PIP4K2B: variants seen among roughly 807,000 people sequenced by gnomAD.
PIP4K2B encodes phosphatidylinositol 5-phosphate 4-kinase type-2 beta.
PIP4K2B carries 3 observed loss-of-function variants against 42.0 expected under a neutral mutation model. That is an observed-to-expected ratio of 0.07 (90% confidence interval 0.03 to 0.18). PIP4K2B has a LOEUF of 0.18. PIP4K2B is among the 10% of genes least tolerant of loss of function. PIP4K2B has a pLI of 1.00. For missense variants in PIP4K2B, 332 were observed against 562.3 expected (o/e 0.59, Z 4.14); for synonymous variants, 204 against 210.1 (o/e 0.97, Z 0.25).
At chr17:38,791,303 C>T (rs1910326509) in intron 1 of PIP4K2B, among the ~76,000 whole-genome samples, 1 of 151,988 alleles carries the variant, frequency 6.6e-6, no homozygotes, top group Admixed American at 6.6e-5. Context: ...ATGCTACACT[C>T]CTGCTTAGAA....
At chr17:38,796,063 G>C (rs370861941) in intron 1 of PIP4K2B, among the ~76,000 whole-genome samples, 1 of 151,852 alleles carries the variant, frequency 6.6e-6, no homozygotes, top group Non-Finnish European at 1.5e-5. Flanking sequence ...GCTTGAACCC[G>C]GGAGGTGGAG....
chr17:38,773,523 G>C (rs1567653086), intron 7 of PIP4K2B, among the ~76,000 whole-genome samples: 2 of 152,286 alleles, frequency 1.3e-5, no homozygotes, highest in South Asian at 4.1e-4. Context: ...GATGGAAATG[G>C]CCAGCTAGCA....
Position 38,799,433 on chromosome 17 carries a change from C to T in PIP4K2B, c.-9G>A. On this transcript the variant is annotated 5_prime_UTR_variant, in exon 1 of 10. Transcript: ENST00000619039. This position sits in a 1 kb window ranked among gnomAD's most constrained non-coding sequence, Gnocchi z 4.4. ...GTGCAGTTGGACGACATGCCCGGGG[C>T]GGCGGCGGCGGCGGCGAAAGAGGGG... is the stretch of plus-strand genomic sequence containing the variant. The T allele has an allele frequency of 1.9e-6, 3 of 1,542,024 alleles. No individual in the cohort carries two copies. Among genetic ancestry groups the T allele is most frequent in the Admixed American group, 2.1e-5 (1 of 48,560 alleles).
At chr17:38,780,638 C>G (rs757923394) in intron 3 of PIP4K2B, 34 bp from the exon 4 acceptor site, 56 of 1,595,196 alleles carry the variant, frequency 3.5e-5, no homozygotes, top group Middle Eastern at 1.7e-4. Context: ...CTGGGCTTGG[C>G]AGGGGAACAG....
chr17:38,789,749 G>T (rs1157184190), intron 1 of PIP4K2B, among the ~76,000 whole-genome samples: 1 of 152,182 alleles, frequency 6.6e-6, no homozygotes, highest in Non-Finnish European at 1.5e-5. Flanking sequence ...AGAAATGAAG[G>T]AAGCCATAGG....
At chr17:38,778,893 G>C (rs1054148611) in intron 5 of PIP4K2B, among the ~76,000 whole-genome samples, 1 of 152,164 alleles carries the variant, frequency 6.6e-6, no homozygotes, top group Non-Finnish European at 1.5e-5. Context: ...TGAAATCCTG[G>C]GAAGAGGAGC....
chr17:38,775,186 C>G lies in PIP4K2B; in HGVS notation c.807+2501G>C, dbSNP rs1909267090. Among the ~76,000 whole-genome samples, 4 of 152,110 alleles carry G rather than the reference C, an allele frequency of 2.6e-5. No homozygotes were observed. The South Asian group carries it at 8.3e-4, about 32-fold the overall frequency. ...GCCAGGATGGTCTCGATCTCCTGAC[C>G]TCGTGATCCGCCTGCCTTGGCCTCC... On this transcript the variant is annotated intron_variant, in intron 7 of 9. Coordinates refer to ENST00000619039, the MANE Select transcript of PIP4K2B (RefSeq NM_003559.5).
At chr17:38,789,910 C>G (rs1255791177) in intron 1 of PIP4K2B, among the ~76,000 whole-genome samples, 1 of 151,694 alleles carries the variant, frequency 6.6e-6, no homozygotes, top group Non-Finnish European at 1.5e-5. Context: ...CAGCAGGCAT[C>G]TATAATGAGA....
intron 4 of PIP4K2B, chr17:38,779,744 G>T: frequency 1.9e-6 from 1 of 524,226 alleles, no homozygotes; most frequent in African/African-American, 1.9e-5. Context: ...AGAGGGAGAG[G>T]CAAGCTGAGC....
At chr17:38,774,627 G>A (rs1021942151) in intron 7 of PIP4K2B, among the ~76,000 whole-genome samples, 6 of 151,988 alleles carry the variant, frequency 3.9e-5, no homozygotes, top group African/African-American at 1.4e-4. Flanking sequence ...AAAACTAGCT[G>A]GGCATGGTGG....
At chr17:38,776,215 C>T in intron 7 of PIP4K2B, 1 of 315,360 alleles carries the variant, frequency 3.2e-6, no homozygotes, top group South Asian at 2.5e-5. Flanking sequence ...GAAGATCCGC[C>T]CACCTCAGCC....
chr17:38,793,521 G>C (rs1910455050), intron 1 of PIP4K2B, among the ~76,000 whole-genome samples: 3 of 152,248 alleles, frequency 2.0e-5, no homozygotes, highest in Admixed American at 1.3e-4. Context: ...TGGGATTACA[G>C]GCGTGAGCCA....
intron 1 of PIP4K2B, chr17:38,792,759 T>G (rs1471398211): frequency 1.3e-5 from 2 of 152,098 alleles, no homozygotes; most frequent in East Asian, 3.9e-4. Context: ...GAACTGCAAC[T>G]CCAGAGAGGA....
intron 1 of PIP4K2B, among the ~76,000 whole-genome samples, chr17:38,794,686 C>T (rs559015993): frequency 6.7e-6 from 1 of 148,220 alleles, no homozygotes; most frequent in East Asian, 2.0e-4. Flanking sequence ...TCTTCATGAC[C>T]TTGGGTTAGG....
rs1007460859 is a variant in PIP4K2B, at chr17:38,783,662, G to A, written c.354+581C>T. Among the ~76,000 whole-genome samples, 7 of 151,732 alleles carry A rather than the reference G, an allele frequency of 4.6e-5. No homozygotes were observed. In the South Asian group the frequency reaches 8.3e-4, roughly 18 times the overall value. The stretch of plus-strand genomic sequence containing the variant: ...GTCGCCCAGGCTGGAGTGCAATGGC[G>A]TGATCTCAGCTCGCTGCAACCTCCG... On this transcript the variant is annotated intron_variant, in intron 3 of 9. Coordinates refer to ENST00000619039, the MANE Select transcript of PIP4K2B (RefSeq NM_003559.5).
rs1224208590 is a variant in PIP4K2B, at chr17:38,766,102, G to A, written c.*3589C>T. 1 of 152,436 alleles carries A rather than the reference G, an allele frequency of 6.6e-6. No individual in the cohort carries two copies. The allele number at this position is 152,436 out of a possible 1,614,324, so 9.4% of individuals were successfully genotyped here. A position where few individuals can be genotyped will look rare whatever the true frequency, so the allele number is the denominator to read the frequency against. On this transcript the variant is annotated 3_prime_UTR_variant, in exon 10 of 10. Transcript: ENST00000619039. ...GCACAAGCTGCCAAGGGACAGCTGA[G>A]TCTCCTTTTCCCCATGGGGCACTCT... is the stretch of plus-strand genomic sequence containing the variant.
chr17:38,794,694 A>T (rs933506776), intron 1 of PIP4K2B, among the ~76,000 whole-genome samples: 3 of 151,150 alleles, frequency 2.0e-5, no homozygotes, highest in Non-Finnish European at 3.0e-5. Flanking sequence ...ACCTTGGGTT[A>T]GGCAATGTCT....
rs766652207 is a variant in PIP4K2B, at chr17:38,779,449, G to A, written c.588C>T (p.Thr196=). The change falls in exon 5 of 10, where the codon ACC becomes ACT. Residue 196 remains threonine (T), a synonymous_variant. Transcript: ENST00000619039. The stretch of plus-strand genomic sequence containing the variant: ...ACACGTTCCTGGTAACCACCATGTA[G>A]GTTTCCACACCATCCACGGTCAGGC... The part of the protein sequence containing the change: ...MYRLTVDGVE[T]YMVVTRNVFS... The A allele has an allele frequency of 1.2e-6, 2 of 1,614,004 alleles. No homozygotes were observed. The highest frequency in any genetic ancestry group is 1.7e-6 in the Non-Finnish European group (2 of 1,179,986).
intron 1 of PIP4K2B, among the ~76,000 whole-genome samples, chr17:38,797,825 G>C (rs1296870574): frequency 1.3e-5 from 2 of 152,176 alleles, no homozygotes; most frequent in Admixed American, 6.5e-5. Context: ...TGACCCCTGG[G>C]ACAGCAGGAA....
Sources: gnomAD v4.1 joint callset for allele counts (sites outside exome capture counted in the v4.1 genomes callset) on GRCh38, gnomAD v4.1.1 for gene constraint, Gnocchi (gnomAD v3.1) non-coding constraint, MANE v1.5 for transcripts, NCBI Gene and HGNC (gene_info 2026-07-23, HGNC 2026-07-21) for gene names.